Variants in DDX31 observed in about 807,000 individuals in gnomAD.
DDX31 encodes ATP-dependent DNA helicase DDX31.
In DDX31, 70 loss-of-function variants were observed where a neutral mutation model predicts 91.3. The observed-to-expected ratio is 0.77, with a 90% CI of 0.63 to 0.94. The LOEUF (loss-of-function observed/expected upper bound fraction) is 0.94, where lower values mean the gene tolerates loss of function less well. Among genes scored for constraint, DDX31 ranks in the 40% least tolerant of loss-of-function variants. The probability of loss-of-function intolerance (pLI) is 0.00; values close to 1 mark genes in which losing one functional copy is unlikely to be tolerated. For synonymous variants in DDX31, 362 were observed against 350.6 expected (o/e 1.03, Z -0.36); for missense variants, 902 against 925.0 (o/e 0.98, Z 0.32).
chr9:132,659,888 T>G, intron 4 of DDX31, 108 bp from the exon 5 acceptor site: 2 of 995,614 alleles, frequency 2.0e-6, no homozygotes, highest in Non-Finnish European at 3.1e-6. Context: ...ATCTGGCAAC[T>G]GCCTCCTTAG....
intron 19 of DDX31, among the ~76,000 whole-genome samples, chr9:132,608,869 CTCAAACCCT>C (rs1277274951): frequency 6.6e-6 from 1 of 152,156 alleles, no homozygotes; most frequent in African/African-American, 2.4e-5. Flanking sequence ...CTGGCATTTG[CTCAAACCCT>C]GACTGAGGTG....
In DDX31 at chr9:132,612,044, G is replaced by A. The variant is rs368755662; in HGVS notation, c.1994+43C>T. On this transcript the variant is annotated intron_variant, in intron 19 of 19. Coordinates refer to ENST00000372159, the MANE Select transcript of DDX31 (RefSeq NM_022779.9). ...GCTAGCACATCACATCATGTGAACG[G>A]AGCTCTCTAGCCCCGTCACGGGACG... 101 of 1,590,028 alleles carry A rather than the reference G, an allele frequency of 6.4e-5. No individual in the cohort carries two copies. In the African/African-American group the frequency reaches 1.2e-3, roughly 19 times the overall value.
At chr9:132,610,720 G>A (rs1323210546) in intron 19 of DDX31, among the ~76,000 whole-genome samples, 1 of 151,976 alleles carries the variant, frequency 6.6e-6, no homozygotes, top group Non-Finnish European at 1.5e-5. Context: ...TGCCTGCCTG[G>A]GCCTCCCAAG....
intron 18 of DDX31, among the ~76,000 whole-genome samples, chr9:132,613,680 GC>G (rs1300275645): frequency 1.3e-5 from 2 of 152,288 alleles, no homozygotes; most frequent in Non-Finnish European, 1.5e-5. Context: ...GGCAACAAGA[GC>G]AAAACTCTGT....
chr9:132,601,436 G>A (rs1214720146), intron 19 of DDX31, among the ~76,000 whole-genome samples: 4 of 152,188 alleles, frequency 2.6e-5, no homozygotes, highest in African/African-American at 7.2e-5. Flanking sequence ...TGCCATCATG[G>A]GCAGTTTCCT....
At chr9:132,613,394 T>G (rs1831457303) in intron 18 of DDX31, among the ~76,000 whole-genome samples, 1 of 152,166 alleles carries the variant, frequency 6.6e-6, no homozygotes, top group South Asian at 2.1e-4. Context: ...TCAGTGCCGT[T>G]TTAAAATTAA....
At chr9:132,648,148 A>C in intron 11 of DDX31, 41 bp downstream of exon 11, 1 of 1,509,292 alleles carries the variant, frequency 6.6e-7, no homozygotes, top group Non-Finnish European at 9.1e-7. Context: ...CTTCCTCTTC[A>C]TTAAGAACAA....
At chr9:132,669,264 C>A (rs1479805646) in intron 1 of DDX31, among the ~76,000 whole-genome samples, 2 of 142,204 alleles carry the variant, frequency 1.4e-5, no homozygotes, top group Admixed American at 7.0e-5. Flanking sequence ...CCGCCCCCCC[C>A]AAAGAACAGC....
intron 16 of DDX31, among the ~76,000 whole-genome samples, chr9:132,628,694 T>A (rs1032319532): frequency 6.6e-6 from 1 of 152,284 alleles, no homozygotes; most frequent in Non-Finnish European, 1.5e-5. Flanking sequence ...GAAGAGGTCA[T>A]GTTAAAGTGA....
intron 6 of DDX31, among the ~76,000 whole-genome samples, chr9:132,656,365 G>A (rs1834564964): frequency 6.6e-6 from 1 of 152,160 alleles, no homozygotes; most frequent in African/African-American, 2.4e-5. Flanking sequence ...CGACCTGTTC[G>A]TGATTTTTTA....
chr9:132,594,967 T>A lies in DDX31; in HGVS notation c.2140A>T (p.Ser714Cys). The part of the protein sequence containing the change: ...GEPGGRPLQH[S>C]LQPTPCFGRG... ...CCAAAGCAGGGTGTCGGCTGCAGAC[T>A]GTGCTGCAGGGGCCGGCCACCAGGC... is the stretch of plus-strand genomic sequence containing the variant. Residue 714 changes from serine to cysteine, a missense_variant, in exon 20 of 20, where the codon AGT becomes TGT. Coordinates refer to ENST00000372159, the MANE Select transcript of DDX31 (RefSeq NM_022779.9). 6.2e-7 allele frequency: 1 copy of A among 1,614,216 alleles called. No homozygotes were observed. The highest frequency in any genetic ancestry group is 1.7e-5 in the Admixed American group (1 of 60,032).
At chr9:132,649,650 C>CA (rs1426140237) in intron 9 of DDX31, among the ~76,000 whole-genome samples, 1 of 152,150 alleles carries the variant, frequency 6.6e-6, no homozygotes, top group African/African-American at 2.4e-5. Flanking sequence ...TTTGAGGTTT[C>CA]AGGTTTCATA....
intron 14 of DDX31, among the ~76,000 whole-genome samples, chr9:132,639,058 G>A (rs1181958249): frequency 6.6e-6 from 1 of 152,104 alleles, no homozygotes; most frequent in Non-Finnish European, 1.5e-5. Flanking sequence ...TTAACACCAA[G>A]GAGGCTCCTG....
intron 14 of DDX31, among the ~76,000 whole-genome samples, chr9:132,635,889 A>G (rs1833082986): frequency 6.6e-6 from 1 of 151,940 alleles, no homozygotes. Flanking sequence ...GGGTGCAGTG[A>G]GCCAAGATTG....
At chr9:132,621,189 G>A (rs538870403) in intron 17 of DDX31, among the ~76,000 whole-genome samples, 13 of 152,264 alleles carry the variant, frequency 8.5e-5, no homozygotes, top group African/African-American at 3.1e-4. Context: ...AGATAAATAG[G>A]CTGGACTATT....
chr9:132,627,806 C>G (rs1393626083), intron 16 of DDX31, among the ~76,000 whole-genome samples: 1 of 152,176 alleles, frequency 6.6e-6, no homozygotes, highest in Non-Finnish European at 1.5e-5. Context: ...TCGTGCTGGC[C>G]CTTGCTGCCG....
chr9:132,654,547 A>C (rs1834427239), intron 6 of DDX31, among the ~76,000 whole-genome samples: 1 of 152,312 alleles, frequency 6.6e-6, no homozygotes, highest in Non-Finnish European at 1.5e-5. Context: ...CAGGAGGTGG[A>C]GGTTGCAGTG....
At chr9:132,658,556 G>A (rs1590096292) in intron 6 of DDX31, 115 bp downstream of exon 6, 1 of 962,452 alleles carries the variant, frequency 1.0e-6, no homozygotes, top group Non-Finnish European at 1.6e-6. Context: ...AAAAGGAGGT[G>A]AAAAAAATAC....
At chr9:132,668,341 C>G (rs997580890) in intron 1 of DDX31, among the ~76,000 whole-genome samples, 3 of 152,194 alleles carry the variant, frequency 2.0e-5, no homozygotes, top group Non-Finnish European at 4.4e-5. Context: ...CTATCCCCCT[C>G]CATTGCATGG....
Sources: gnomAD v4.1 joint callset for allele counts (sites outside exome capture counted in the v4.1 genomes callset) on GRCh38, gnomAD v4.1.1 for gene constraint, MANE v1.5 for transcripts, NCBI Gene and HGNC (gene_info 2026-07-23, HGNC 2026-07-21) for gene names.